The following GSG1 variants were observed in gnomAD, a reference collection of about 807,000 sequenced individuals.
The protein encoded by GSG1 is germ cell-specific gene 1 protein.
Under a neutral mutation model 30.8 loss-of-function variants are expected in GSG1, and 28 were observed. That is an observed-to-expected ratio of 0.91 (90% confidence interval 0.67 to 1.25). The LOEUF is 1.25. Among genes scored for constraint, GSG1 ranks in the 50% most tolerant of loss-of-function variants. The probability of loss-of-function intolerance (pLI) is 0.00; values close to 1 mark genes in which losing one functional copy is unlikely to be tolerated. For synonymous variants in GSG1, 162 were observed against 178.0 expected (o/e 0.91, Z 0.71); for missense variants, 435 against 444.7 (o/e 0.98, Z 0.20).
At chr12:13,087,109 G>T (rs981598750) in intron 6 of GSG1, 43 bp downstream of exon 6, 2 of 1,353,706 alleles carry the variant, frequency 1.5e-6, no homozygotes, top group African/African-American at 2.9e-5. Context: ...ATCTCGTGAA[G>T]GTTGGCTGGG....
intron 1 of GSG1, among the ~76,000 whole-genome samples, chr12:13,097,984 C>T (rs1048365993): frequency 1.3e-5 from 2 of 152,214 alleles, no homozygotes; most frequent in African/African-American, 4.8e-5. Flanking sequence ...CTTTTGTCAC[C>T]TGTAATGTCT....
In GSG1 at chr12:13,087,977, C is replaced by T. The variant is rs763769757; in HGVS notation, c.564G>A (p.Leu188=). The change falls in exon 5 of 7, where the codon TTG becomes TTA. Residue 188 remains leucine (L), a synonymous_variant. Coordinates refer to ENST00000651961, the MANE Select transcript of GSG1 (RefSeq NM_001080555.4). The part of the protein sequence containing the change: ...FISFLLLLTD[L]LLTGNPACGL... The stretch of plus-strand genomic sequence containing the variant: ...CACAGGCAGGGTTCCCAGTGAGTAG[C>T]AAGTCTGTTAGTAGCAGGAGGAAGC... The T allele has an allele frequency of 6.2e-7, 1 of 1,614,238 alleles. No homozygotes were observed. Among genetic ancestry groups the T allele is most frequent in the Non-Finnish European group, 8.5e-7 (1 of 1,180,030 alleles).
chr12:13,091,961 C>A (rs1866188354), intron 1 of GSG1, among the ~76,000 whole-genome samples: 1 of 152,182 alleles, frequency 6.6e-6, no homozygotes, highest in Non-Finnish European at 1.5e-5. Context: ...GGCTTTTACA[C>A]AACACGGGGA....
chr12:13,089,325 AT>A, intron 2 of GSG1, 49 bp from the exon 3 acceptor site: 1 of 1,549,848 alleles, frequency 6.5e-7, no homozygotes, highest in Non-Finnish European at 8.7e-7. Flanking sequence ...CATTTTTTTA[AT>A]TCCTCTTCCA....
intron 6 of GSG1, among the ~76,000 whole-genome samples, 157 bp downstream of exon 6, chr12:13,086,995 G>A (rs1865595020): frequency 6.6e-6 from 1 of 152,164 alleles, no homozygotes; most frequent in South Asian, 2.1e-4. Flanking sequence ...GGGAAGAATG[G>A]ATGTGCCCTG....
chr12:13,087,493 G>C (rs375928410), intron 5 of GSG1, among the ~76,000 whole-genome samples: 37 of 152,268 alleles, frequency 2.4e-4, no homozygotes, highest in African/African-American at 8.9e-4. Flanking sequence ...TATGGAAAAA[G>C]TCTGAGTCAA....
At position 13,101,616 on chromosome 12, in the gene GSG1, G is replaced by A. The variant is rs11055239; in HGVS notation, c.48+1849C>T. Among the ~76,000 whole-genome samples the A allele has an allele frequency of 3.2e-3, 494 of 152,372 alleles. 2 individuals carry two copies. Among genetic ancestry groups the A allele is most frequent in the Middle Eastern group, 6.8e-3 (2 of 294 alleles). On this transcript the variant is annotated intron_variant, in intron 1 of 6. Transcript: ENST00000651961. This position sits in a 1 kb window ranked among gnomAD's most constrained non-coding sequence, Gnocchi z 5.8. Reference sequence around the variant, plus strand: ...CGCGTCCCCTCTGCCGCCTGGCGAGGCTGCGCGGGAGGGCGGAGAGACTGG... The same window carrying A: ...CGCGTCCCCTCTGCCGCCTGGCGAGACTGCGCGGGAGGGCGGAGAGACTGG...
At position 13,094,756 on chromosome 12, in the gene GSG1, T is replaced by C. The variant is rs1353137319; in HGVS notation, c.49-3938A>G. 3.9e-5 allele frequency among the ~76,000 whole-genome samples: 6 copies of C among 152,220 alleles called. 1 individual carries two copies. The highest frequency in any genetic ancestry group is 1.4e-4 in the African/African-American group (6 of 41,458). On this transcript the variant is annotated intron_variant, in intron 1 of 6. Transcript: ENST00000651961. Reference sequence around the variant, plus strand: ...GACCTCAGCATTCATTTTTCAACAATCATTTTCATTCTGGTTTGGAAATTT... The same window carrying C: ...GACCTCAGCATTCATTTTTCAACAACCATTTTCATTCTGGTTTGGAAATTT...
Position 13,085,186 on chromosome 12 carries a change from C to G in GSG1, c.804G>C (p.Thr268=). 1 of 1,613,772 alleles carries G rather than the reference C, an allele frequency of 6.2e-7. No homozygotes were observed. Among genetic ancestry groups the G allele is most frequent in the Non-Finnish European group, 8.5e-7 (1 of 1,179,784 alleles). ...TGAACTCCAGCACCATCCTGGTGTA[C>G]GTGTTGAAGGTGGTGACAGCCGACG... The part of the protein sequence containing the change: ...CMASAVTTFN[T]YTRMVLEFKC... Residue 268 remains threonine, a synonymous_variant, in exon 7 of 7, where the codon ACG becomes ACC. Transcript: ENST00000651961.
chr12:13,095,552 T>C (rs1339637856), intron 1 of GSG1: 3 of 1,572,446 alleles, frequency 1.9e-6, no homozygotes, highest in Middle Eastern at 1.7e-4. Flanking sequence ...AGGTACAAAA[T>C]AGCTGTAGAC....
At chr12:13,089,139 C>T in intron 3 of GSG1, 69 bp downstream of exon 3, 2 of 1,450,970 alleles carry the variant, frequency 1.4e-6, no homozygotes, top group South Asian at 1.3e-5. Flanking sequence ...TCCATGAGAG[C>T]ACCTACATAG....
At position 13,101,276 on chromosome 12, in the gene GSG1, C is replaced by T. The variant is rs1591668388; in HGVS notation, c.48+2189G>A. On this transcript the variant is annotated intron_variant, in intron 1 of 6. Coordinates refer to ENST00000651961, the MANE Select transcript of GSG1 (RefSeq NM_001080555.4). The surrounding 1 kb of genome is among the most constrained non-coding windows in gnomAD (Gnocchi z 5.8). ...CCCTCCCACCCTGATGAGTAACGCGCCGTCTCTCCCGTTTACTACGGCGCC... is the reference window on the plus strand; with the variant it reads ...CCCTCCCACCCTGATGAGTAACGCGTCGTCTCTCCCGTTTACTACGGCGCC... Among the ~76,000 whole-genome samples the T allele has an allele frequency of 2.0e-5, 3 of 152,298 alleles. No homozygotes were observed. The highest frequency in any genetic ancestry group is 3.9e-4 in the East Asian group (2 of 5,158).
intron 1 of GSG1, among the ~76,000 whole-genome samples, chr12:13,091,237 C>T (rs570443816): frequency 5.9e-5 from 9 of 152,334 alleles, no homozygotes; most frequent in African/African-American, 1.7e-4. Flanking sequence ...TCTGCCTTCC[C>T]GTGTCCAAAC....
intron 1 of GSG1, among the ~76,000 whole-genome samples, chr12:13,099,412 T>C (rs1862984484): frequency 6.6e-6 from 1 of 152,196 alleles, no homozygotes; most frequent in Non-Finnish European, 1.5e-5. Flanking sequence ...ACTGTGACTA[T>C]TCCAAGATGA....
Position 13,103,501 on chromosome 12 carries a change from G to C in GSG1, c.12C>G (p.Pro4=), listed in dbSNP as rs1863367623. Residue 4 remains proline, a synonymous_variant, in exon 1 of 7, where the codon CCC becomes CCG. Coordinates refer to ENST00000651961, the MANE Select transcript of GSG1 (RefSeq NM_001080555.4). MSD[P]SQLTQNVCLT... is the part of the protein sequence containing the mutation. ...GGCAAACATTTTGAGTCAGTTGAGA[G>C]GGATCGCTCATTCACTCTTGCAGCG... The C allele has an allele frequency of 1.2e-6, 2 of 1,613,872 alleles. No homozygotes were observed. The highest frequency in any genetic ancestry group is 1.3e-5 in the African/African-American group (1 of 74,932).
intron 1 of GSG1, among the ~76,000 whole-genome samples, chr12:13,096,064 T>G (rs1015261936): frequency 6.6e-5 from 10 of 152,338 alleles, no homozygotes; most frequent in African/African-American, 2.4e-4. Context: ...CGAGTAGGGT[T>G]TCCTATCCCT....
At chr12:13,099,608 T>C (rs1862999886) in intron 1 of GSG1, among the ~76,000 whole-genome samples, 1 of 152,226 alleles carries the variant, frequency 6.6e-6, no homozygotes, top group Non-Finnish European at 1.5e-5. Flanking sequence ...TAAATGGGAA[T>C]GCAATTTATT....
intron 6 of GSG1, 128 bp from the exon 7 acceptor site, chr12:13,085,371 T>A: frequency 1.2e-6 from 1 of 808,664 alleles, no homozygotes. Flanking sequence ...TTCCACCATG[T>A]TTCAGGTAAA....
At position 13,089,243 on chromosome 12, in the gene GSG1, C is replaced by G. The variant is rs542600236; in HGVS notation, c.398G>C (p.Arg133Thr). ...CGCTGTACCACTGGACCGAAGGGCT[C>G]TAAATTGTTTCCAGGACTGGGGATG... ...LLHPQSWKQF[R>T]ALRSSGTAAA... is the part of the protein sequence containing the mutation. The change falls in exon 3 of 7, where the codon AGA (arginine) becomes ACA (threonine). Residue 133 changes from arginine (R) to threonine (T), a missense_variant. Transcript: ENST00000651961. 6.4e-7 allele frequency: 1 copy of G among 1,558,664 alleles called. No homozygotes were observed. The highest frequency in any genetic ancestry group is 8.7e-7 in the Non-Finnish European group (1 of 1,150,724).
Sources: gnomAD v4.1 joint callset for allele counts (sites outside exome capture counted in the v4.1 genomes callset) on GRCh38, gnomAD v4.1.1 for gene constraint, Gnocchi (gnomAD v3.1) non-coding constraint, MANE v1.5 for transcripts, NCBI Gene and HGNC (gene_info 2026-07-23, HGNC 2026-07-21) for gene names.